MTNR1B: variants seen among roughly 807,000 people sequenced by gnomAD.
The protein encoded by MTNR1B is melatonin receptor type 1B.
In MTNR1B, 7 loss-of-function variants were observed where a neutral mutation model predicts 7.0. The observed-to-expected ratio is 1.00, with a 90% confidence interval of 0.57 to 1.88. The LOEUF (loss-of-function observed/expected upper bound fraction) is 1.88. Among genes scored for constraint, MTNR1B ranks in the 40% most tolerant of loss-of-function variants. The pLI, the probability that MTNR1B is intolerant of heterozygous loss-of-function variation, is 0.00. For missense variants in MTNR1B, 478 were observed against 486.5 expected, an observed-to-expected ratio of 0.98 and a Z score of 0.16; for synonymous variants, 226 against 208.2, an observed-to-expected ratio of 1.09 and a Z score of -0.74.
Position 92,982,596 on chromosome 11 carries a change from TG to T in MTNR1B, c.*288del. On this transcript the variant is annotated 3_prime_UTR_variant, in exon 2 of 2. Coordinates refer to ENST00000257068, the MANE Select transcript of MTNR1B (RefSeq NM_005959.5). ...GGAAAGGACAGAATGAGGAAAGGCCTGGGGCAGAAGAGCCCAACTCCTTCTC... is the reference window on the plus strand; with the variant it reads ...GGAAAGGACAGAATGAGGAAAGGCCTGGGCAGAAGAGCCCAACTCCTTCTC... 1 of 434,084 alleles carries T rather than the reference TG, an allele frequency of 2.3e-6. No homozygotes were observed. The highest frequency in any genetic ancestry group is 4.1e-6 in the Non-Finnish European group (1 of 242,920). The allele number at this position is 434,084 out of a possible 1,614,324, so 26.9% of individuals were successfully genotyped here. A position where few individuals can be genotyped will look rare whatever the true frequency, so the allele number is the denominator to read the frequency against.
rs777056586 is a variant in MTNR1B at position 92,981,938 on chromosome 11, A to C, written c.715A>C (p.Arg239=). 31 of 1,614,134 alleles carry C rather than the reference A, an allele frequency of 1.9e-5. No individual in the cohort carries two copies. The highest frequency in any genetic ancestry group is 2.5e-5 in the Non-Finnish European group (29 of 1,180,058). ...CCGCAGGAAAGCCAAGCCAGAGAGC[A>C]GGCTGTGCCTGAAGCCCAGCGACTT... ...QARRKAKPES[R]LCLKPSDLRS... Residue 239 remains arginine (R), a synonymous_variant, in exon 2 of 2, where the codon AGG becomes CGG. Coordinates refer to ENST00000257068, the MANE Select transcript of MTNR1B (RefSeq NM_005959.5).
chr11:92,976,462 T>C (rs2136513046), intron 1 of MTNR1B, among the ~76,000 whole-genome samples: 1 of 152,338 alleles, frequency 6.6e-6, no homozygotes, highest in Middle Eastern at 3.4e-3. Context: ...TAATAGCTAA[T>C]ATTACTAGTG....
At chr11:92,980,338 T>G (rs1858081052) in intron 1 of MTNR1B, among the ~76,000 whole-genome samples, 1 of 152,154 alleles carries the variant, frequency 6.6e-6, no homozygotes, top group Admixed American at 6.5e-5. Context: ...GAGCATACAG[T>G]AGGTATTCAA....
Position 92,982,509 on chromosome 11 carries a change from G to A in MTNR1B, c.*197G>A, listed in dbSNP as rs1858128655. The A allele has an allele frequency of 3.1e-6, 2 of 638,586 alleles. No individual in the cohort carries two copies. Among genetic ancestry groups the A allele is most frequent in the Non-Finnish European group, 5.3e-6 (2 of 377,788 alleles). The allele number at this position is 638,586 out of a possible 1,614,324, so 39.6% of individuals were successfully genotyped here. Reference sequence around the variant, plus strand: ...CAGGCTGATCCAGGAGATGCTCACAGGCCACAGGACCTGGAAAACACTCTT... The same window carrying A: ...CAGGCTGATCCAGGAGATGCTCACAAGCCACAGGACCTGGAAAACACTCTT... On this transcript the variant is annotated 3_prime_UTR_variant, in exon 2 of 2. Coordinates refer to ENST00000257068, the MANE Select transcript of MTNR1B (RefSeq NM_005959.5).
chr11:92,970,084 C>CTTAAG (rs1857901282), intron 1 of MTNR1B, 136 bp downstream of exon 1: 2 of 1,229,386 alleles, frequency 1.6e-6, no homozygotes, highest in South Asian at 2.7e-5. Context: ...TAACCTATTC[C>CTTAAG]TTAAGTTTGA....
chr11:92,971,219 C>G (rs1293762716), intron 1 of MTNR1B, among the ~76,000 whole-genome samples: 1 of 152,112 alleles, frequency 6.6e-6, no homozygotes. Flanking sequence ...CCTCGGCCTC[C>G]CAAAGTGCTG....
chr11:92,980,205 A>C (rs1239277698), intron 1 of MTNR1B, among the ~76,000 whole-genome samples: 1 of 152,136 alleles, frequency 6.6e-6, no homozygotes, highest in Non-Finnish European at 1.5e-5. Context: ...CGCCCTCTGC[A>C]TTCCGCCACC....
intron 1 of MTNR1B, among the ~76,000 whole-genome samples, chr11:92,978,305 G>A (rs1224213514): frequency 6.6e-6 from 1 of 152,212 alleles, no homozygotes; most frequent in East Asian, 1.9e-4. Context: ...AGAAGAGGGA[G>A]GAGACTGTGA....
downstream of MTNR1B, among the ~76,000 whole-genome samples, chr11:92,983,906 A>G (rs1266510611): frequency 6.6e-6 from 1 of 152,216 alleles, no homozygotes; most frequent in African/African-American, 2.4e-5. Flanking sequence ...TACTATGATC[A>G]ATTTTCATAG....
chr11:92,972,689 A>G, intron 1 of MTNR1B: 1 of 373,910 alleles, frequency 2.7e-6, no homozygotes, highest in Non-Finnish European at 5.3e-6. Context: ...TGTGCTTCCC[A>G]GGGACTTGCC....
chr11:92,971,926 A>C (rs1857932192), intron 1 of MTNR1B, among the ~76,000 whole-genome samples: 1 of 152,116 alleles, frequency 6.6e-6, no homozygotes, highest in Non-Finnish European at 1.5e-5. Flanking sequence ...CAGCACCCGA[A>C]CAAAAAAAAA....
downstream of MTNR1B, among the ~76,000 whole-genome samples, chr11:92,984,456 T>A (rs1858166625): frequency 1.8e-5 from 2 of 113,508 alleles, no homozygotes; most frequent in Admixed American, 9.9e-5. Flanking sequence ...TGCAGAAGAG[T>A]CCTAAGGATT....
chr11:92,984,827 AG>A (rs1206624495), downstream of MTNR1B: 4 of 452,904 alleles, frequency 8.8e-6, no homozygotes, highest in Non-Finnish European at 1.8e-5. Context: ...ATAAACCAGG[AG>A]CTGAGAGAAT....
In MTNR1B at chr11:92,969,754, G is replaced by C; in HGVS notation, c.29G>C (p.Cys10Ser). Residue 10 changes from cysteine to serine, a missense_variant, in exon 1 of 2, where the codon TGC becomes TCC. By Grantham distance (112) the Cys-to-Ser change is moderately radical. Transcript: ENST00000257068. ...TCAGAGAACGGCTCCTTCGCCAACT[G>C]CTGCGAGGCGGGCGGGTGGGCAGTG... MSENGSFAN[C>S]CEAGGWAVRP... The C allele has an allele frequency of 6.7e-7, 1 of 1,502,302 alleles. No individual in the cohort carries two copies. The highest frequency in any genetic ancestry group is 8.9e-7 in the Non-Finnish European group (1 of 1,123,490). 93.1% of individuals were successfully genotyped at this position (1,502,302 alleles called of 1,614,324 possible).
intron 1 of MTNR1B, among the ~76,000 whole-genome samples, chr11:92,971,568 A>G (rs534118182): frequency 1.3e-5 from 2 of 152,302 alleles, no homozygotes; most frequent in African/African-American, 4.8e-5. Flanking sequence ...TCCTGGCTCT[A>G]TGGGGGAGAA....
chr11:92,982,936 A>ACCCCCCCCCCCCCCCCCCC (rs71473980), downstream of MTNR1B, among the ~76,000 whole-genome samples: 2 of 49,170 alleles, frequency 4.1e-5, 1 homozygote, highest in Non-Finnish European at 8.0e-5. Context: ...AACACACTGC[A>ACCCCCCCCCCCCCCCCCCC]CCCCCCCCCC....
chr11:92,981,003 G>T (rs2136517170), intron 1 of MTNR1B, among the ~76,000 whole-genome samples: 1 of 152,350 alleles, frequency 6.6e-6, no homozygotes, highest in Non-Finnish European at 1.5e-5. Flanking sequence ...GCGAGGAGGT[G>T]AGGGAATGTG....
At chr11:92,975,827 C>A (rs1475734835) in intron 1 of MTNR1B, among the ~76,000 whole-genome samples, 1 of 152,196 alleles carries the variant, frequency 6.6e-6, no homozygotes, top group Non-Finnish European at 1.5e-5. Context: ...AGGCTTCTAT[C>A]CTACCACCGA....
At chr11:92,983,329 C>T (rs1293342198), downstream of MTNR1B, among the ~76,000 whole-genome samples, 1 of 152,132 alleles carries the variant, frequency 6.6e-6, no homozygotes, top group East Asian at 1.9e-4. Context: ...CAAGACCAGC[C>T]TAAGCAACAT....
Sources: gnomAD v4.1 joint callset for allele counts (sites outside exome capture counted in the v4.1 genomes callset) on GRCh38, gnomAD v4.1.1 for gene constraint, MANE v1.5 for transcripts, NCBI Gene and HGNC (gene_info 2026-07-23, HGNC 2026-07-21) for gene names.